SSH1: variants seen among roughly 807,000 people sequenced by gnomAD.
The protein encoded by SSH1 is slingshot protein phosphatase 1.
Under a neutral mutation model 79.7 loss-of-function variants are expected in SSH1, and 43 were observed. That is an observed-to-expected ratio of 0.54 (90% CI 0.42 to 0.70). The LOEUF (loss-of-function observed/expected upper bound fraction) is 0.70, where lower values mean the gene tolerates loss of function less well. SSH1 is among the 30% of genes least tolerant of loss of function. The probability of loss-of-function intolerance (pLI) is 0.00; values close to 1 mark genes in which losing one functional copy is unlikely to be tolerated. For missense variants in SSH1, 1,206 were observed against 1,358.8 expected (o/e 0.89, Z 1.77); for synonymous variants, 599 against 538.3 (o/e 1.11, Z -1.56).
At chr12:108,838,727 G>C (rs2038702725) in intron 2 of SSH1, among the ~76,000 whole-genome samples, 1 of 152,174 alleles carries the variant, frequency 6.6e-6, no homozygotes. Flanking sequence ...CCATTATGCT[G>C]GGCTTCCTTG....
intron 2 of SSH1, among the ~76,000 whole-genome samples, chr12:108,839,852 C>T (rs1414799486): frequency 6.6e-6 from 1 of 152,084 alleles, no homozygotes; most frequent in East Asian, 1.9e-4. Flanking sequence ...ACAAGTGCGG[C>T]AGGAAGGGCT....
chr12:108,830,634 T>C (rs1015030995), intron 2 of SSH1, among the ~76,000 whole-genome samples: 2 of 152,008 alleles, frequency 1.3e-5, no homozygotes, highest in African/African-American at 4.8e-5. Flanking sequence ...TTAGGTGCAA[T>C]AAAGGGAGGT....
Position 108,811,282 on chromosome 12 carries a change from T to C in SSH1, c.448A>G (p.Lys150Glu), listed in dbSNP as rs751510833. Residue 150 changes from lysine (K) to glutamate (E), a missense_variant, in exon 6 of 15, where the codon AAA becomes GAA. Physicochemically the swap from Lys to Glu is moderately conservative, Grantham distance 56. Coordinates refer to ENST00000326495, the MANE Select transcript of SSH1 (RefSeq NM_018984.4). ...GMVLRLWSDT[K>E]IHLDGDGGFS... ...TACCCATCTCCATCAAGGTGGATTT[T>C]CGTGTCGCTCCACAGTCGGAGAACC... 6.2e-7 allele frequency: 1 copy of C among 1,614,230 alleles called. No individual in the cohort carries two copies. The highest frequency in any genetic ancestry group is 1.7e-5 in the Admixed American group (1 of 60,024).
chr12:108,818,511 G>A (rs1184485019), intron 3 of SSH1, among the ~76,000 whole-genome samples, 198 bp from the exon 4 acceptor site: 2 of 152,184 alleles, frequency 1.3e-5, no homozygotes, highest in African/African-American at 2.4e-5. Flanking sequence ...CGACGTGGAT[G>A]GGTGACATGG....
intron 14 of SSH1, among the ~76,000 whole-genome samples, chr12:108,790,153 GTT>G (rs34383501): frequency 7.0e-6 from 1 of 143,548 alleles, no homozygotes; most frequent in Non-Finnish European, 1.5e-5. Flanking sequence ...ATGGCTTCCA[GTT>G]TTTTTTTTTT....
At chr12:108,823,203 C>T (rs967837460) in intron 3 of SSH1, 55 bp downstream of exon 3, 4 of 1,494,214 alleles carry the variant, frequency 2.7e-6, no homozygotes, top group Non-Finnish European at 3.7e-6. Flanking sequence ...TGGAAGTTTC[C>T]TCTGCTGTCC....
Position 108,792,757 on chromosome 12 carries a change from T to C in SSH1, c.1422A>G (p.Ala474=). 6.2e-7 allele frequency: 1 copy of C among 1,613,968 alleles called. No individual in the cohort carries two copies. The highest frequency in any genetic ancestry group is 1.1e-5 in the South Asian group (1 of 91,088). ...TCTCTGGCAAGAAGTCGCCAGGTCC[T>C]GCAGGGTCATCCACAGGCTGCTGGA... ...SSLQQPVDDP[A]GPGDFLPETP... Residue 474 remains alanine (A), a synonymous_variant, in exon 14 of 15, where the codon GCA becomes GCG. Coordinates refer to ENST00000326495, the MANE Select transcript of SSH1 (RefSeq NM_018984.4).
intron 2 of SSH1, among the ~76,000 whole-genome samples, chr12:108,852,238 C>CTT (rs372321306): frequency 8.8e-5 from 12 of 137,066 alleles, no homozygotes; most frequent in African/African-American, 2.9e-4. Flanking sequence ...TTGGCATATT[C>CTT]TTTTTTTTTT....
At chr12:108,853,216 A>G (rs1256458090) in intron 1 of SSH1, 5 of 985,312 alleles carry the variant, frequency 5.1e-6, no homozygotes, top group South Asian at 4.7e-5. Context: ...AAAAGACTTA[A>G]ACATTTGATA....
intron 2 of SSH1, among the ~76,000 whole-genome samples, chr12:108,845,200 A>C (rs1366509772): frequency 6.6e-6 from 1 of 150,884 alleles, no homozygotes; most frequent in Non-Finnish European, 1.5e-5. Flanking sequence ...CAGAGCAGAA[A>C]AAAAAAAAAA....
chr12:108,820,544 T>C (rs1422862055), intron 3 of SSH1, among the ~76,000 whole-genome samples: 1 of 152,192 alleles, frequency 6.6e-6, no homozygotes, highest in East Asian at 1.9e-4. Context: ...TAAACTTCTT[T>C]CAGTGGGATT....
chr12:108,789,251 G>A lies in SSH1; in HGVS notation c.1894-7C>T, dbSNP rs764404677. ...TCCCAAATATAGCATCATCCTGCAA[G>A]GAAGGGGACAAGAGCATGGTGAGAC... On this transcript the variant is annotated splice_region_variant and splice_polypyrimidine_tract_variant and intron_variant, in intron 14 of 14. Transcript: ENST00000326495. The A allele has an allele frequency of 6.3e-7, 1 of 1,587,882 alleles. No individual in the cohort carries two copies. The highest frequency in any genetic ancestry group is 1.1e-5 in the South Asian group (1 of 87,556).
intron 14 of SSH1, chr12:108,792,042 T>C: frequency 6.9e-7 from 1 of 1,442,696 alleles, no homozygotes; most frequent in Non-Finnish European, 9.1e-7. Flanking sequence ...ATATGTGTTA[T>C]TCCCAACAGA....
chr12:108,811,177 A>G (rs2037570271), intron 6 of SSH1, 83 bp downstream of exon 6: 2 of 1,258,444 alleles, frequency 1.6e-6, no homozygotes, highest in Non-Finnish European at 2.3e-6. Context: ...AGTGCTAATG[A>G]TCATCCAAGG....
intron 2 of SSH1, among the ~76,000 whole-genome samples, chr12:108,830,384 C>G (rs1324606291): frequency 1.3e-5 from 2 of 152,008 alleles, no homozygotes; most frequent in Non-Finnish European, 2.9e-5. Flanking sequence ...CCCTGGAGGT[C>G]GAGGCTGCAC....
At chr12:108,821,185 G>C (rs1198009638) in intron 3 of SSH1, among the ~76,000 whole-genome samples, 1 of 151,298 alleles carries the variant, frequency 6.6e-6, no homozygotes, top group African/African-American at 2.4e-5. Flanking sequence ...TTGGAGACCA[G>C]CCTGAGCAAC....
chr12:108,800,741 G>A, intron 12 of SSH1, 39 bp downstream of exon 12: 1 of 1,606,734 alleles, frequency 6.2e-7, no homozygotes, highest in Non-Finnish European at 8.5e-7. Flanking sequence ...GCCTCAGCAG[G>A]TTGGTTTCAT....
chr12:108,820,795 A>C (rs149152618), intron 3 of SSH1, among the ~76,000 whole-genome samples: 36 of 152,286 alleles, frequency 2.4e-4, no homozygotes, highest in African/African-American at 8.7e-4. Context: ...TAGGGAAAAA[A>C]AGGAACTAAC....
At chr12:108,842,816 G>A (rs894719259) in intron 2 of SSH1, among the ~76,000 whole-genome samples, 4 of 152,176 alleles carry the variant, frequency 2.6e-5, no homozygotes, top group African/African-American at 9.7e-5. Context: ...CAGCTCTACC[G>A]TTTACTACTA....
Sources: gnomAD v4.1 joint callset for allele counts (sites outside exome capture counted in the v4.1 genomes callset) on GRCh38, gnomAD v4.1.1 for gene constraint, MANE v1.5 for transcripts, NCBI Gene and HGNC (gene_info 2026-07-23, HGNC 2026-07-21) for gene names.